The following SEMA6D variants were observed in gnomAD, a reference collection of about 807,000 sequenced individuals.
SEMA6D encodes semaphorin-6D.
Under a neutral mutation model 106.6 loss-of-function variants are expected in SEMA6D, and 35 were observed. The observed-to-expected ratio is 0.33, with a 90% confidence interval of 0.25 to 0.44. SEMA6D has a LOEUF of 0.44. Among genes scored for constraint, SEMA6D ranks in the 20% least tolerant of loss-of-function variants. SEMA6D has a pLI of 1.00. For missense variants in SEMA6D, 1,185 were observed against 1,345.9 expected (o/e 0.88, Z 1.87); for synonymous variants, 499 against 487.7 (o/e 1.02, Z -0.31).
intron 1 of SEMA6D, among the ~76,000 whole-genome samples, chr15:47,277,920 T>C (rs971064340): frequency 3.3e-5 from 5 of 151,802 alleles, no homozygotes; most frequent in Non-Finnish European, 5.9e-5. Context: ...ATTTCATCCA[T>C]GTCCCTACAA....
chr15:47,678,232 A>G (rs1194445291), intron 4 of SEMA6D, among the ~76,000 whole-genome samples: 1 of 152,156 alleles, frequency 6.6e-6, no homozygotes, highest in Admixed American at 6.5e-5. Context: ...ACCCACTGAG[A>G]TAGTCATCTA....
chr15:47,257,257 C>T (rs1410843716), intron 1 of SEMA6D, among the ~76,000 whole-genome samples: 1 of 152,114 alleles, frequency 6.6e-6, no homozygotes, highest in East Asian at 1.9e-4. Context: ...CAGGGTTTCA[C>T]CATGTTAGCT....
intron 3 of SEMA6D, among the ~76,000 whole-genome samples, chr15:47,573,052 G>C (rs564528449): frequency 1.3e-5 from 2 of 151,902 alleles, no homozygotes; most frequent in African/African-American, 4.8e-5. Context: ...CTCTGTGCCC[G>C]GCAGTTTGGT....
chr15:47,202,638 A>G (rs1309666608), intron 1 of SEMA6D, among the ~76,000 whole-genome samples: 2 of 152,154 alleles, frequency 1.3e-5, no homozygotes, highest in African/African-American at 2.4e-5. Flanking sequence ...TGATCTCTCA[A>G]GTCACCTTCG....
At chr15:47,412,500 G>A (rs1198959343) in intron 2 of SEMA6D, 4 of 152,560 alleles carry the variant, frequency 2.6e-5, no homozygotes, top group Non-Finnish European at 5.9e-5. Flanking sequence ...AACAACGAAG[G>A]ACAGTAAATA....
chr15:47,290,144 C>T (rs2035537674), intron 1 of SEMA6D, among the ~76,000 whole-genome samples: 2 of 152,204 alleles, frequency 1.3e-5, no homozygotes, highest in African/African-American at 4.8e-5. Flanking sequence ...ATTCACATCT[C>T]TGGTTTAAGG....
At chr15:47,632,744 AT>A (rs1459531767) in intron 4 of SEMA6D, among the ~76,000 whole-genome samples, 1 of 151,840 alleles carries the variant, frequency 6.6e-6, no homozygotes, top group Admixed American at 6.6e-5. Flanking sequence ...TTATCTTCTG[AT>A]TGGCATAGTT....
intron 1 of SEMA6D, among the ~76,000 whole-genome samples, chr15:47,238,889 A>G (rs2032727971): frequency 6.6e-6 from 1 of 152,182 alleles, no homozygotes; most frequent in Non-Finnish European, 1.5e-5. Flanking sequence ...AGGAATAAAT[A>G]TGCCACTCAA....
At chr15:47,376,376 C>A (rs1395465092) in intron 1 of SEMA6D, among the ~76,000 whole-genome samples, 1 of 152,162 alleles carries the variant, frequency 6.6e-6, no homozygotes, top group Admixed American at 6.5e-5. Context: ...CCTCAGCACC[C>A]CCTGCACAAA....
At chr15:47,764,440 A>T (rs558222420) in intron 11 of SEMA6D, 135 bp downstream of exon 11, 1 of 1,283,998 alleles carries the variant, frequency 7.8e-7, no homozygotes, top group African/African-American at 1.5e-5. Context: ...GCCAGCAGAC[A>T]TAGCCTTGTG....
chr15:47,263,400 C>T (rs2034168234), intron 1 of SEMA6D, among the ~76,000 whole-genome samples: 1 of 152,072 alleles, frequency 6.6e-6, no homozygotes, highest in Non-Finnish European at 1.5e-5. Flanking sequence ...CATGAAAAGA[C>T]ACTTTTTGAA....
intron 3 of SEMA6D, among the ~76,000 whole-genome samples, chr15:47,576,096 C>T (rs759264108): frequency 1.3e-5 from 2 of 152,148 alleles, no homozygotes; most frequent in Non-Finnish European, 2.9e-5. Flanking sequence ...TACTAATTGA[C>T]CATGATTTTT....
intron 1 of SEMA6D, among the ~76,000 whole-genome samples, chr15:47,403,355 G>A (rs868382856): frequency 1.3e-5 from 2 of 152,180 alleles, no homozygotes; most frequent in South Asian, 2.1e-4. Flanking sequence ...CATGCAAACA[G>A]TGCACACATC....
intron 1 of SEMA6D, among the ~76,000 whole-genome samples, chr15:47,394,178 A>G (rs930469971): frequency 2.0e-4 from 31 of 152,172 alleles, no homozygotes; most frequent in African/African-American, 6.5e-4. Flanking sequence ...TTGGTCTATC[A>G]TAGTCCACAT....
intron 1 of SEMA6D, among the ~76,000 whole-genome samples, chr15:47,402,719 A>G: frequency 7.1e-6 from 1 of 140,274 alleles, no homozygotes; most frequent in East Asian, 2.0e-4. Context: ...TCTTCTCCCC[A>G]TCCTAAGTAA....
At chr15:47,449,184 G>C (rs2042114015) in intron 2 of SEMA6D, among the ~76,000 whole-genome samples, 2 of 151,966 alleles carry the variant, frequency 1.3e-5, no homozygotes, top group African/African-American at 4.8e-5. Context: ...GAAAATATTA[G>C]CACATATTCT....
intron 4 of SEMA6D, among the ~76,000 whole-genome samples, chr15:47,669,704 C>T (rs2078102403): frequency 6.6e-6 from 1 of 152,198 alleles, no homozygotes. Context: ...CCTGTATCTG[C>T]CCTTTCCTTC....
chr15:47,649,443 AAAG>A (rs749709070), intron 4 of SEMA6D, among the ~76,000 whole-genome samples: 3 of 152,198 alleles, frequency 2.0e-5, no homozygotes, highest in Non-Finnish European at 2.9e-5. Flanking sequence ...CACAAAAATA[AAAG>A]AAGAAAAAAA....
In SEMA6D at chr15:47,308,225, G is replaced by C. The variant is rs528881646; in HGVS notation, c.-238-104168G>C. On this transcript the variant is annotated intron_variant, in intron 1 of 19. Coordinates refer to the SEMA6D transcript ENST00000558014. ...TTCTACATAGGTGAAAAGACCCTCT[G>C]TTCAAATTCCAGCTCTGCCACATAG... 2.6e-5 allele frequency among the ~76,000 whole-genome samples: 4 copies of C among 152,260 alleles called. No individual in the cohort carries two copies. The South Asian group carries it at 8.3e-4, about 32-fold the overall frequency.
Sources: allele counts gnomAD v4.1 joint callset (sites outside exome capture counted in the v4.1 genomes callset), GRCh38; gene constraint gnomAD v4.1.1; transcripts MANE v1.5; gene names NCBI Gene and HGNC (gene_info 2026-07-23, HGNC 2026-07-21).